CCNF: variants seen among roughly 807,000 people sequenced by gnomAD.
The protein encoded by CCNF is cyclin F.
A neutral mutation model predicts 85.4 loss-of-function variants in CCNF; 30 were observed. The ratio of observed to expected loss-of-function variants is 0.35; its 90% CI spans 0.26 to 0.48. CCNF has a LOEUF of 0.48. Among genes scored for constraint, CCNF ranks in the 20% least tolerant of loss-of-function variants. The pLI, the probability that CCNF is intolerant of heterozygous loss-of-function variation, is 0.99. For missense variants in CCNF, 919 were observed against 1,010.4 expected (o/e 0.91, Z 1.23); for synonymous variants, 439 against 425.1 (o/e 1.03, Z -0.40).
chr16:2,439,505 C>A, intron 7 of CCNF, 48 bp downstream of exon 7: 2 of 1,342,630 alleles, frequency 1.5e-6, no homozygotes, highest in Non-Finnish European at 2.1e-6. Flanking sequence ...TGGACAAAGG[C>A]GTAGTTGATG....
Position 2,453,132 on chromosome 16 carries a change from T to C in CCNF, c.1488-78T>C, listed in dbSNP as rs1009765541. On this transcript the variant is annotated intron_variant, in intron 13 of 16. Coordinates refer to ENST00000397066, the MANE Select transcript of CCNF (RefSeq NM_001761.3). This position sits in a 1 kb window ranked among gnomAD's most constrained non-coding sequence, Gnocchi z 5.6. ...GTGACTGCACCATTTTGCATTCTCATTGCTCACTTCAGTGAACTGAAGCTA... is the reference window on the plus strand; with the variant it reads ...GTGACTGCACCATTTTGCATTCTCACTGCTCACTTCAGTGAACTGAAGCTA... 8.1e-7 allele frequency: 1 copy of C among 1,241,096 alleles called. No individual in the cohort carries two copies. 76.9% of individuals were successfully genotyped at this position (1,241,096 alleles called of 1,614,324 possible).
intron 15 of CCNF, among the ~76,000 whole-genome samples, chr16:2,454,171 A>T (rs1344535125): frequency 2.0e-5 from 3 of 152,098 alleles, no homozygotes; most frequent in Non-Finnish European, 4.4e-5. Context: ...TCCTGTCAAT[A>T]TAGGACCAGG....
At chr16:2,446,940 G>A (rs543021686) in intron 10 of CCNF, among the ~76,000 whole-genome samples, 91 of 152,150 alleles carry the variant, frequency 6.0e-4, no homozygotes, top group Non-Finnish European at 1.1e-3. Flanking sequence ...GTGCCAGCTC[G>A]ATGCAGTGTC....
chr16:2,453,898 G>A lies in CCNF; in HGVS notation c.1715+361G>A, dbSNP rs1032854521. On this transcript the variant is annotated intron_variant, in intron 15 of 16. Transcript: ENST00000397066. The surrounding 1 kb of genome is among the most constrained non-coding windows in gnomAD (Gnocchi z 5.6). The stretch of plus-strand genomic sequence containing the variant: ...GATGCTGCTGTCACTCCCGGCACTC[G>A]AGCTGTGACCTGAGTCACATCCCCA... Among the ~76,000 whole-genome samples the A allele has an allele frequency of 2.6e-5, 4 of 152,246 alleles. No homozygotes were observed. The highest frequency in any genetic ancestry group is 9.6e-5 in the African/African-American group (4 of 41,552).
intron 12 of CCNF, among the ~76,000 whole-genome samples, 162 bp downstream of exon 12, chr16:2,449,624 C>T (rs942968954): frequency 2.6e-5 from 4 of 152,148 alleles, no homozygotes; most frequent in African/African-American, 9.7e-5. Flanking sequence ...AGATTTCTGA[C>T]CATGAGCCTG....
rs563247735 is a variant in CCNF at position 2,453,017 on chromosome 16, T to C, written c.1488-193T>C. 4.5e-5 allele frequency: 27 copies of C among 602,726 alleles called. No homozygotes were observed. The Admixed American group carries it at 5.4e-4, about 12-fold the overall frequency. The allele number at this position is 602,726 out of a possible 1,614,324, so 37.3% of individuals were successfully genotyped here. A position where few individuals can be genotyped will look rare whatever the true frequency, so the allele number is the denominator to read the frequency against. Reference sequence around the variant, plus strand: ...GTTTCTGTGTGGACATAGTTTTTCCTTTTTCCTGGGTCTTTACCTAGAGAG... The same window carrying C: ...GTTTCTGTGTGGACATAGTTTTTCCCTTTTCCTGGGTCTTTACCTAGAGAG... On this transcript the variant is annotated intron_variant, in intron 13 of 16. Transcript: ENST00000397066. The surrounding 1 kb of genome is among the most constrained non-coding windows in gnomAD (Gnocchi z 5.6).
At chr16:2,430,492 T>A (rs1248740341) in intron 1 of CCNF, among the ~76,000 whole-genome samples, 1 of 152,068 alleles carries the variant, frequency 6.6e-6, no homozygotes, top group Non-Finnish European at 1.5e-5. Context: ...TACACAAACC[T>A]ACAGGTCTAG....
At chr16:2,438,893 G>A (rs1369577973) in intron 6 of CCNF, among the ~76,000 whole-genome samples, 1 of 151,840 alleles carries the variant, frequency 6.6e-6, no homozygotes, top group Non-Finnish European at 1.5e-5. Flanking sequence ...AGCTACTTGG[G>A]AGGCTGAGGC....
At chr16:2,443,185 A>AAT (rs1491095751) in intron 8 of CCNF, among the ~76,000 whole-genome samples, 2 of 62,246 alleles carry the variant, frequency 3.2e-5, no homozygotes, top group African/African-American at 1.6e-4. Flanking sequence ...TATAATATAT[A>AAT]ATATATATAT....
At position 2,457,703 on chromosome 16, in the gene CCNF, A is replaced by C. The variant is rs1377623494; in HGVS notation, c.*683A>C. 3 of 152,216 alleles carry C rather than the reference A, an allele frequency of 2.0e-5. No individual in the cohort carries two copies. Among genetic ancestry groups the C allele is most frequent in the African/African-American group, 7.2e-5 (3 of 41,448 alleles). 9.4% of individuals were successfully genotyped at this position (152,216 alleles called of 1,614,324 possible). ...ATGTGAACACCTCTCTTTGTGCTGA[A>C]TTTCTGGGCCATTCTTTTCCTGTCT... On this transcript the variant is annotated 3_prime_UTR_variant, in exon 17 of 17. Coordinates refer to ENST00000397066, the MANE Select transcript of CCNF (RefSeq NM_001761.3).
At chr16:2,434,981 G>A (rs999553757) in intron 3 of CCNF, among the ~76,000 whole-genome samples, 8 of 152,024 alleles carry the variant, frequency 5.3e-5, no homozygotes, top group African/African-American at 1.7e-4. Context: ...TCGACCGAGC[G>A]TGGTGGCTCA....
intron 10 of CCNF, among the ~76,000 whole-genome samples, chr16:2,448,532 A>T (rs1384761210): frequency 2.0e-5 from 3 of 152,174 alleles, no homozygotes; most frequent in African/African-American, 7.2e-5. Context: ...TTAGCGTCCC[A>T]AGTAACTGAG....
rs540799362 is a variant in CCNF, at chr16:2,456,958, C to T, written c.2299C>T (p.Arg767Trp). 15 of 1,612,544 alleles carry T rather than the reference C, an allele frequency of 9.3e-6. No homozygotes were observed. Among genetic ancestry groups the T allele is most frequent in the East Asian group, 4.5e-5 (2 of 44,884 alleles). Residue 767 changes from arginine to tryptophan, a missense_variant, in exon 17 of 17, where the codon CGG (arginine) becomes TGG (tryptophan). Coordinates refer to ENST00000397066, the MANE Select transcript of CCNF (RefSeq NM_001761.3). The surrounding 1 kb of genome is among the most constrained non-coding windows in gnomAD (Gnocchi z 4.5). Reference sequence around the variant, plus strand: ...CAGTGTTCCCCAGCAACAGGTGAAGCGGATAAACCTATGCATACACAGTGA... The same window carrying T: ...CAGTGTTCCCCAGCAACAGGTGAAGTGGATAAACCTATGCATACACAGTGA... ...ESSVPQQQVKRINLCIHSEEE... is the reference protein window; with the variant it reads ...ESSVPQQQVKWINLCIHSEEE...
intron 10 of CCNF, among the ~76,000 whole-genome samples, chr16:2,446,358 TAG>T (rs2065362408): frequency 1.3e-5 from 2 of 152,192 alleles, no homozygotes; most frequent in South Asian, 2.1e-4. Flanking sequence ...CTCTTGGAGT[TAG>T]AGAGTTTTTC....
Position 2,457,145 on chromosome 16 carries a change from TGCGGCCACCA to T in CCNF, c.*126_*135del, listed in dbSNP as rs1292522560. ...TGCGCAGAGAGCAGAGAGGATGACT[TGCGGCCACCA>T]AGTTTCTGTCTCCGCGGGAGTCCCG... On this transcript the variant is annotated 3_prime_UTR_variant, in exon 17 of 17. Coordinates refer to ENST00000397066, the MANE Select transcript of CCNF (RefSeq NM_001761.3). 1.4e-6 allele frequency: 1 copy of T among 693,322 alleles called. No individual in the cohort carries two copies. Among genetic ancestry groups the T allele is most frequent in the African/African-American group, 1.8e-5 (1 of 55,430 alleles). The allele number at this position is 693,322 out of a possible 1,614,324, so 42.9% of individuals were successfully genotyped here. A position where few individuals can be genotyped will look rare whatever the true frequency, so the allele number is the denominator to read the frequency against.
rs1483827484 is a variant in CCNF, at chr16:2,453,913, T to A, written c.1715+376T>A. Among the ~76,000 whole-genome samples the A allele has an allele frequency of 6.6e-6, 1 of 152,048 alleles. No homozygotes were observed. The highest frequency in any genetic ancestry group is 2.4e-5 in the African/African-American group (1 of 41,380). On this transcript the variant is annotated intron_variant, in intron 15 of 16. Coordinates refer to ENST00000397066, the MANE Select transcript of CCNF (RefSeq NM_001761.3). This position sits in a 1 kb window ranked among gnomAD's most constrained non-coding sequence, Gnocchi z 5.6. Reference sequence around the variant, plus strand: ...CCCGGCACTCGAGCTGTGACCTGAGTCACATCCCCAGCACTTCCCTCGCCA... The same window carrying A: ...CCCGGCACTCGAGCTGTGACCTGAGACACATCCCCAGCACTTCCCTCGCCA...
At position 2,456,580 on chromosome 16, in the gene CCNF, G is replaced by T. The variant is rs757868114; in HGVS notation, c.1921G>T (p.Val641Phe). ...CAGCGGCATCCTCGATGTCACCGTGGTCTACCTGAACCCAGAACAGCATTG... is the reference window on the plus strand; with the variant it reads ...CAGCGGCATCCTCGATGTCACCGTGTTCTACCTGAACCCAGAACAGCATTG... ...APSGILDVTV[V>F]YLNPEQHCCQ... is the part of the protein sequence containing the mutation. Residue 641 changes from valine to phenylalanine, a missense_variant, in exon 17 of 17, where the codon GTC (valine) becomes TTC (phenylalanine). Physicochemically the swap from Val to Phe is conservative, Grantham distance 50 (BLOSUM62 -1). Around this residue, in one of 3 missense-constraint regions of CCNF, gnomAD observed 505 missense variants for 514.8 expected, o/e 0.98. Transcript: ENST00000397066. The surrounding 1 kb of genome is among the most constrained non-coding windows in gnomAD (Gnocchi z 4.5). 7 of 1,567,796 alleles carry T rather than the reference G, an allele frequency of 4.5e-6. No individual in the cohort carries two copies. The highest frequency in any genetic ancestry group is 6.0e-6 in the Non-Finnish European group (7 of 1,158,496).
At chr16:2,441,075 T>C (rs1475281852) in intron 8 of CCNF, among the ~76,000 whole-genome samples, 1 of 150,980 alleles carries the variant, frequency 6.6e-6, no homozygotes, top group Non-Finnish European at 1.5e-5. Context: ...TTACTAAAAA[T>C]ACAAAAAAAT....
At chr16:2,445,389 G>C (rs1454318857) in intron 9 of CCNF, 69 bp from the exon 10 acceptor site, 1 of 1,551,654 alleles carries the variant, frequency 6.4e-7, no homozygotes, top group East Asian at 2.3e-5. Flanking sequence ...CAACAGGTGG[G>C]GTTGAAATCG....
Sources: allele counts gnomAD v4.1 joint callset (sites outside exome capture counted in the v4.1 genomes callset), GRCh38; gene constraint gnomAD v4.1.1; regional missense constraint gnomAD v4.1.1; non-coding constraint Gnocchi (gnomAD v3.1); transcripts MANE v1.5; gene names NCBI Gene and HGNC (gene_info 2026-07-23, HGNC 2026-07-21).